TRIM2: variants seen among roughly 807,000 people sequenced by gnomAD.
The protein encoded by TRIM2 is tripartite motif-containing protein 2.
Under a neutral mutation model 75.2 loss-of-function variants are expected in TRIM2, and 20 were observed. That is an observed-to-expected ratio of 0.27 (90% CI 0.19 to 0.39). The LOEUF (loss-of-function observed/expected upper bound fraction) is 0.39. TRIM2 is among the 10% of genes least tolerant of loss of function. The pLI is 1.00. For synonymous variants in TRIM2, 373 were observed against 388.3 expected (o/e 0.96, Z 0.46); for missense variants, 660 against 990.8 (o/e 0.67, Z 4.48).
At chr4:153,221,327 C>T (rs958407811) in intron 1 of TRIM2, among the ~76,000 whole-genome samples, 2 of 152,076 alleles carry the variant, frequency 1.3e-5, no homozygotes, top group East Asian at 1.9e-4. Flanking sequence ...ACTGGGGAGG[C>T]TGAGATGTGA....
chr4:153,241,019 G>C, intron 1 of TRIM2, among the ~76,000 whole-genome samples: 1 of 152,246 alleles, frequency 6.6e-6, no homozygotes, highest in Admixed American at 6.5e-5. Flanking sequence ...GGAGGTTGCA[G>C]TGAGCCGAGA....
At chr4:153,311,761 G>A (rs1375448082) in intron 6 of TRIM2, among the ~76,000 whole-genome samples, 1 of 141,688 alleles carries the variant, frequency 7.1e-6, no homozygotes, top group Non-Finnish European at 1.5e-5. Flanking sequence ...GGTTCTTACT[G>A]TGTTGCCCAG....
intron 1 of TRIM2, among the ~76,000 whole-genome samples, chr4:153,269,157 CT>C (rs1175575650): frequency 6.6e-6 from 1 of 152,088 alleles, no homozygotes; most frequent in South Asian, 2.1e-4. Flanking sequence ...AAGGCATACA[CT>C]TTTTTTGATA....
At chr4:153,204,394 C>G (rs764391042), upstream of TRIM2, 5 of 959,722 alleles carry the variant, frequency 5.2e-6, no homozygotes, top group African/African-American at 1.6e-5. Context: ...GCCCCTTTGG[C>G]TTGTGCTGAC....
At chr4:153,271,210 C>T (rs1756594811) in intron 2 of TRIM2, among the ~76,000 whole-genome samples, 1 of 152,060 alleles carries the variant, frequency 6.6e-6, no homozygotes, top group Non-Finnish European at 1.5e-5. Flanking sequence ...GTTTATCTTA[C>T]TTATAAATAT....
chr4:153,302,225 G>T (rs1035505859), intron 6 of TRIM2, among the ~76,000 whole-genome samples: 1 of 151,780 alleles, frequency 6.6e-6, no homozygotes, highest in African/African-American at 2.4e-5. Flanking sequence ...GTTGTTGTTA[G>T]TTTTTTTCTT....
chr4:153,318,476 G>A (rs952431993), intron 8 of TRIM2, among the ~76,000 whole-genome samples: 1 of 152,064 alleles, frequency 6.6e-6, no homozygotes, highest in African/African-American at 2.4e-5. Flanking sequence ...TAATGGCTCT[G>A]TATGATGACC....
At chr4:153,312,363 C>T (rs1417727988) in intron 6 of TRIM2, among the ~76,000 whole-genome samples, 3 of 151,730 alleles carry the variant, frequency 2.0e-5, no homozygotes, top group Non-Finnish European at 2.9e-5. Context: ...TGAATAATGC[C>T]GCAACAAACA....
chr4:153,168,430 A>G (rs965021260), intron 1 of TRIM2, among the ~76,000 whole-genome samples: 2 of 152,204 alleles, frequency 1.3e-5, no homozygotes, highest in African/African-American at 4.8e-5. Flanking sequence ...TGTTATATGA[A>G]TTTTTGCAAA....
intron 2 of TRIM2, among the ~76,000 whole-genome samples, chr4:153,272,901 G>A (rs369118373): frequency 1.3e-5 from 2 of 152,138 alleles, no homozygotes; most frequent in South Asian, 2.1e-4. Context: ...GTGCAGTGGC[G>A]CTATCTCGGC....
chr4:153,179,562 C>T (rs2149632737), intron 1 of TRIM2, among the ~76,000 whole-genome samples: 1 of 152,176 alleles, frequency 6.6e-6, no homozygotes, highest in South Asian at 2.1e-4. Context: ...ATCTTGAAGC[C>T]CGCACTGCAC....
chr4:153,283,861 C>CTTTCTTTTTT (rs1759943929), intron 3 of TRIM2, among the ~76,000 whole-genome samples: 6 of 53,276 alleles, frequency 1.1e-4, no homozygotes, highest in African/African-American at 5.1e-4. Flanking sequence ...TGGCCTTGAT[C>CTTTCTTTTTT]TTTTTTTTTT....
At chr4:153,327,627 G>A (rs1038430387) in intron 10 of TRIM2, among the ~76,000 whole-genome samples, 1 of 152,134 alleles carries the variant, frequency 6.6e-6, no homozygotes, top group African/African-American at 2.4e-5. Context: ...ATACAATTAT[G>A]CTTACTATAG....
At chr4:153,309,287 T>G (rs1765712135) in intron 6 of TRIM2, among the ~76,000 whole-genome samples, 1 of 152,098 alleles carries the variant, frequency 6.6e-6, no homozygotes. Context: ...AGAACCAGGT[T>G]TTATTCTTCC....
At chr4:153,244,816 G>C (rs970866400) in intron 1 of TRIM2, among the ~76,000 whole-genome samples, 2 of 152,104 alleles carry the variant, frequency 1.3e-5, no homozygotes, top group African/African-American at 4.8e-5. Context: ...ATACTTAAGA[G>C]GGAAAGGGAG....
At chr4:153,258,915 T>G (rs1418881591) in intron 1 of TRIM2, among the ~76,000 whole-genome samples, 1 of 152,180 alleles carries the variant, frequency 6.6e-6, no homozygotes, top group Non-Finnish European at 1.5e-5. Context: ...ACTATAATGT[T>G]AAATAATGCA....
rs557975375 is a variant in TRIM2 at position 153,337,333 on chromosome 4, G to A, written c.*2367G>A. ...TAGAAATTAACTTACAATCTAACCA[G>A]CCATCATATCATATCCTATCAGGCT... On this transcript the variant is annotated 3_prime_UTR_variant, in exon 12 of 12. Transcript: ENST00000338700. 1.5e-5 allele frequency: 15 copies of A among 985,674 alleles called. No individual in the cohort carries two copies. The African/African-American group carries it at 2.4e-4, about 16-fold the overall frequency. 61.1% of individuals were successfully genotyped at this position (985,674 alleles called of 1,614,324 possible).
intron 8 of TRIM2, among the ~76,000 whole-genome samples, chr4:153,318,806 T>C (rs776066215): frequency 3.9e-5 from 6 of 152,208 alleles, no homozygotes; most frequent in Non-Finnish European, 8.8e-5. Context: ...CAATAGTCTA[T>C]CTGTAATAGA....
At chr4:153,267,253 T>C (rs996850879) in intron 1 of TRIM2, among the ~76,000 whole-genome samples, 1 of 152,072 alleles carries the variant, frequency 6.6e-6, no homozygotes, top group Non-Finnish European at 1.5e-5. Context: ...AAGGGCGGTG[T>C]TGTGGTTTAA....
Sources: gnomAD v4.1 joint callset for allele counts (sites outside exome capture counted in the v4.1 genomes callset) on GRCh38, gnomAD v4.1.1 for gene constraint, MANE v1.5 for transcripts, NCBI Gene and HGNC (gene_info 2026-07-23, HGNC 2026-07-21) for gene names.